SLC4A4: variants seen among roughly 807,000 people sequenced by gnomAD.
The protein encoded by SLC4A4 is electrogenic sodium bicarbonate cotransporter 1.
Under a neutral mutation model 111.5 loss-of-function variants are expected in SLC4A4, and 27 were observed. The observed-to-expected ratio is 0.24, with a 90% CI of 0.18 to 0.33. The LOEUF (loss-of-function observed/expected upper bound fraction) is 0.33. Ranked by LOEUF, SLC4A4 falls within the 10% of genes least tolerant of loss-of-function variation. SLC4A4 has a pLI of 1.00. For synonymous variants in SLC4A4, 443 were observed against 463.4 expected (o/e 0.96, Z 0.57); for missense variants, 909 against 1,315.5 (o/e 0.69, Z 4.78).
intron 16 of SLC4A4, among the ~76,000 whole-genome samples, chr4:71,531,467 C>T (rs1053304993): frequency 3.9e-5 from 6 of 152,044 alleles, no homozygotes; most frequent in Admixed American, 3.9e-4. Flanking sequence ...TATCTTTCAT[C>T]ACTTGACATT....
At chr4:71,490,441 A>T (rs1307092503) in intron 15 of SLC4A4, among the ~76,000 whole-genome samples, 4 of 151,860 alleles carry the variant, frequency 2.6e-5, no homozygotes, top group Non-Finnish European at 5.9e-5. Context: ...GGACATTTCC[A>T]TCATACCAGA....
chr4:71,211,574 T>G (rs1718130981), intron 1 of SLC4A4, among the ~76,000 whole-genome samples: 1 of 152,198 alleles, frequency 6.6e-6, no homozygotes, highest in Admixed American at 6.5e-5. Context: ...TCTGAAGTTT[T>G]AAAAATGTGG....
At chr4:71,565,623 G>T (rs892913254) in intron 24 of SLC4A4, among the ~76,000 whole-genome samples, 14 of 151,738 alleles carry the variant, frequency 9.2e-5, no homozygotes, top group Non-Finnish European at 1.6e-4. Flanking sequence ...TCATGCACTG[G>T]GCCCCAACAG....
At chr4:71,211,087 G>A (rs1301802711) in intron 1 of SLC4A4, among the ~76,000 whole-genome samples, 1 of 152,166 alleles carries the variant, frequency 6.6e-6, no homozygotes, top group African/African-American at 2.4e-5. Context: ...AGATCCATGT[G>A]GTTGTTAGAT....
intron 14 of SLC4A4, among the ~76,000 whole-genome samples, chr4:71,474,601 G>T (rs1012074020): frequency 6.6e-6 from 1 of 151,850 alleles, no homozygotes; most frequent in African/African-American, 2.4e-5. Context: ...CTCACAATAG[G>T]CAGTCAGTAA....
chr4:71,486,879 C>CGGTTGTGCTTT (rs374576402), intron 14 of SLC4A4, 69 bp from the exon 15 acceptor site: 1 of 922,510 alleles, frequency 1.1e-6, no homozygotes, highest in African/African-American at 1.7e-5. Flanking sequence ...TTAAAAATAC[C>CGGTTGTGCTTT]TAATTATGCA....
At chr4:71,393,798 C>T (rs1402028319) in intron 6 of SLC4A4, among the ~76,000 whole-genome samples, 2 of 152,116 alleles carry the variant, frequency 1.3e-5, no homozygotes, top group Admixed American at 6.5e-5. Flanking sequence ...CAGCATGATA[C>T]TGTTATAAAA....
intron 1 of SLC4A4, among the ~76,000 whole-genome samples, chr4:71,192,944 C>T (rs1745801621): frequency 6.6e-6 from 1 of 152,154 alleles, no homozygotes; most frequent in African/African-American, 2.4e-5. Flanking sequence ...GTTAATTACA[C>T]GGTGTGTATT....
chr4:71,523,310 T>A (rs901713029), intron 16 of SLC4A4, among the ~76,000 whole-genome samples: 13 of 152,322 alleles, frequency 8.5e-5, no homozygotes, highest in African/African-American at 2.9e-4. Context: ...AGGAAAATAA[T>A]TTTTAAAGTC....
chr4:71,416,624 A>C (rs942139827), intron 7 of SLC4A4, among the ~76,000 whole-genome samples: 2 of 152,154 alleles, frequency 1.3e-5, no homozygotes, highest in Admixed American at 1.3e-4. Flanking sequence ...TGAGAATTTA[A>C]TAAGATGATG....
intron 1 of SLC4A4, among the ~76,000 whole-genome samples, chr4:71,228,496 C>G (rs1254910679): frequency 6.6e-6 from 1 of 151,992 alleles, no homozygotes; most frequent in Admixed American, 6.6e-5. Flanking sequence ...TATTTAATTC[C>G]CTAAACTAAC....
At chr4:71,236,265 TA>T (rs1719801557) in intron 1 of SLC4A4, 6 of 1,071,626 alleles carry the variant, frequency 5.6e-6, no homozygotes, top group Non-Finnish European at 5.7e-6. Context: ...TCATCCTTTT[TA>T]AAAAGAATTT....
chr4:71,416,253 C>T (rs924022474), intron 7 of SLC4A4, among the ~76,000 whole-genome samples: 1 of 152,100 alleles, frequency 6.6e-6, no homozygotes, highest in Non-Finnish European at 1.5e-5. Flanking sequence ...GAGGTATGTT[C>T]CAAAACCCCC....
intron 2 of SLC4A4, among the ~76,000 whole-genome samples, chr4:71,181,400 A>G (rs1460387534): frequency 6.6e-6 from 1 of 152,180 alleles, no homozygotes; most frequent in Non-Finnish European, 1.5e-5. Flanking sequence ...TGATTCAGTG[A>G]TAAGTCTTCC....
intron 6 of SLC4A4, among the ~76,000 whole-genome samples, chr4:71,364,589 C>T (rs1404896613): frequency 6.6e-6 from 1 of 152,142 alleles, no homozygotes; most frequent in Non-Finnish European, 1.5e-5. Flanking sequence ...GTGGAAGGGG[C>T]AAACATTCCT....
At chr4:71,447,535 G>C in intron 8 of SLC4A4, 111 bp from the exon 9 acceptor site, 1 of 739,048 alleles carries the variant, frequency 1.4e-6, no homozygotes, top group Non-Finnish European at 2.5e-6. Context: ...TTTTAAAGGT[G>C]AATTCTAGAC....
At chr4:71,120,601 C>T (rs1282558481) in intron 2 of SLC4A4, among the ~76,000 whole-genome samples, 1 of 152,214 alleles carries the variant, frequency 6.6e-6, no homozygotes, top group Non-Finnish European at 1.5e-5. Flanking sequence ...GATGCGGTGG[C>T]TTATGCCTGT....
intron 1 of SLC4A4, among the ~76,000 whole-genome samples, chr4:71,069,048 G>C (rs946542642): frequency 6.6e-6 from 1 of 152,212 alleles, no homozygotes; most frequent in African/African-American, 2.4e-5. Flanking sequence ...ACGTTTGTTA[G>C]AGGGCAGCCT....
chr4:71,332,723 C>T (rs113777261), intron 3 of SLC4A4, among the ~76,000 whole-genome samples: 63 of 152,336 alleles, frequency 4.1e-4, no homozygotes, highest in African/African-American at 1.5e-3. Flanking sequence ...TGAGCCACCG[C>T]GCCCGGCCGA....
Sources: gnomAD v4.1 joint callset for allele counts (sites outside exome capture counted in the v4.1 genomes callset) on GRCh38, gnomAD v4.1.1 for gene constraint, MANE v1.5 for transcripts, NCBI Gene and HGNC (gene_info 2026-07-23, HGNC 2026-07-21) for gene names.